SUMF1: variants seen among roughly 807,000 people sequenced by gnomAD.
SUMF1 encodes sulfatase modifying factor 1, also known as formylglycine-generating enzyme.
SUMF1 carries 48 observed loss-of-function variants against 47.6 expected under a neutral mutation model. The observed-to-expected ratio is 1.01, with a 90% CI of 0.80 to 1.28. SUMF1 has a LOEUF of 1.28. SUMF1 is among the 50% of genes most tolerant of loss of function. The probability of loss-of-function intolerance (pLI) is 0.00; values close to 1 mark genes in which losing one functional copy is unlikely to be tolerated. For missense variants in SUMF1, 571 were observed against 485.4 expected (o/e 1.18, Z -1.66); for synonymous variants, 230 against 192.1 (o/e 1.20, Z -1.63).
At chr3:4,452,797 T>A in intron 2 of SUMF1, 79 bp downstream of exon 2, 1 of 1,542,220 alleles carries the variant, frequency 6.5e-7, no homozygotes. Context: ...AAATGGTCAG[T>A]CAATCTTAGC....
rs538706781 is a variant in SUMF1, at chr3:4,308,814, C to T, written c.1014+67516G>A. Among the ~76,000 whole-genome samples, 9 of 152,294 alleles carry T rather than the reference C, an allele frequency of 5.9e-5. No individual in the cohort carries two copies. In the East Asian group the frequency reaches 9.6e-4, roughly 16 times the overall value. On this transcript the variant is annotated intron_variant and NMD_transcript_variant, in intron 8 of 12. Coordinates refer to the SUMF1 transcript ENST00000448413. ...GACATCTTTGTTCATTGACCATTTA[C>T]GCCTTTGACTTGTCTATGAAAAGAG...
intron 9 of SUMF1, among the ~76,000 whole-genome samples, chr3:4,048,504 A>C (rs1258278050): frequency 6.6e-6 from 1 of 152,176 alleles, no homozygotes; most frequent in East Asian, 1.9e-4. Flanking sequence ...CAAACTAACT[A>C]TGAGCTCTTC....
intron 8 of SUMF1, among the ~76,000 whole-genome samples, chr3:4,246,381 C>T (rs188199708): frequency 1.2e-4 from 18 of 152,016 alleles, no homozygotes; most frequent in Admixed American, 3.9e-4. Context: ...TGTTCCTATT[C>T]GGCCATCTTG....
chr3:4,061,599 C>G (rs925793713), intron 9 of SUMF1, among the ~76,000 whole-genome samples: 1 of 152,122 alleles, frequency 6.6e-6, no homozygotes, highest in Non-Finnish European at 1.5e-5. Context: ...CTCATTGTCT[C>G]AGTGATTGGC....
At chr3:4,245,694 G>A (rs1038598294) in intron 8 of SUMF1, among the ~76,000 whole-genome samples, 2 of 152,274 alleles carry the variant, frequency 1.3e-5, no homozygotes, top group East Asian at 3.9e-4. Context: ...CTACGCAAGG[G>A]TCAGGGACCC....
chr3:4,217,864 G>C (rs1695970497), intron 8 of SUMF1, among the ~76,000 whole-genome samples: 1 of 114,132 alleles, frequency 8.8e-6, no homozygotes, highest in African/African-American at 3.5e-5. Context: ...ATTTGCAGGA[G>C]AAACAGGACT....
chr3:4,146,138 C>T (rs1251815271), intron 8 of SUMF1, among the ~76,000 whole-genome samples: 1 of 152,092 alleles, frequency 6.6e-6, no homozygotes, highest in Admixed American at 6.6e-5. Context: ...AATATCATTA[C>T]TGCTGAGAGA....
At chr3:4,207,729 T>C (rs1695684023) in intron 8 of SUMF1, among the ~76,000 whole-genome samples, 1 of 152,166 alleles carries the variant, frequency 6.6e-6, no homozygotes, top group East Asian at 1.9e-4. Context: ...CTTAAATTCA[T>C]CAAAGAAGTG....
At chr3:4,178,208 T>C (rs891080106) in intron 8 of SUMF1, among the ~76,000 whole-genome samples, 3 of 152,184 alleles carry the variant, frequency 2.0e-5, no homozygotes, top group African/African-American at 4.8e-5. Context: ...AGCATCATCC[T>C]GATACCAAAG....
intron 8 of SUMF1, among the ~76,000 whole-genome samples, chr3:4,172,175 C>T (rs11919964): frequency 2.9e-4 from 44 of 152,122 alleles, no homozygotes; most frequent in African/African-American, 1.0e-3. Flanking sequence ...TTAGAAAATT[C>T]AATTAGCAAT....
intron 1 of SUMF1, among the ~76,000 whole-genome samples, chr3:4,456,507 A>T (rs1331835162): frequency 1.4e-5 from 2 of 143,726 alleles, no homozygotes; most frequent in South Asian, 2.2e-4. Context: ...GCTGGAGTGC[A>T]GTAGCACGAT....
intron 8 of SUMF1, among the ~76,000 whole-genome samples, chr3:4,253,412 G>A (rs1430560872): frequency 6.6e-6 from 1 of 152,214 alleles, no homozygotes; most frequent in East Asian, 1.9e-4. Context: ...CGTGCACCGT[G>A]CACGAGCGGA....
intron 9 of SUMF1, among the ~76,000 whole-genome samples, chr3:4,039,209 A>ATTTTTTTTTTTT (rs775459424): frequency 2.3e-4 from 9 of 39,490 alleles, no homozygotes; most frequent in Non-Finnish European, 2.9e-4. Flanking sequence ...ATCTATGCAA[A>ATTTTTTTTTTTT]TTTTTTTTTT....
At chr3:4,144,280 T>C (rs1694144705) in intron 8 of SUMF1, among the ~76,000 whole-genome samples, 1 of 152,046 alleles carries the variant, frequency 6.6e-6, no homozygotes, top group South Asian at 2.1e-4. Context: ...TTTCTTCTTA[T>C]AGTGGTAGTT....
chr3:4,431,852 G>A (rs184810050), intron 3 of SUMF1, among the ~76,000 whole-genome samples: 28 of 152,206 alleles, frequency 1.8e-4, no homozygotes, highest in Admixed American at 1.0e-3. Flanking sequence ...ATCCCATTTC[G>A]CTGTCAAAAG....
chr3:4,129,092 G>C (rs561255608), intron 8 of SUMF1, among the ~76,000 whole-genome samples: 4 of 152,188 alleles, frequency 2.6e-5, no homozygotes, highest in African/African-American at 4.8e-5. Flanking sequence ...ATAAACCCTC[G>C]ACCAATGCCT....
chr3:4,317,006 G>C (rs1198950801), intron 8 of SUMF1: 16 of 1,549,168 alleles, frequency 1.0e-5, no homozygotes, highest in Non-Finnish European at 1.2e-5. Flanking sequence ...TGAATGAATT[G>C]GGCTATGAAG....
At chr3:4,352,800 G>A (rs1012211720) in intron 8 of SUMF1, among the ~76,000 whole-genome samples, 1 of 151,628 alleles carries the variant, frequency 6.6e-6, no homozygotes, top group African/African-American at 2.4e-5. Flanking sequence ...AAGGGGCCAG[G>A]GAAGCAAATT....
intron 1 of SUMF1, among the ~76,000 whole-genome samples, chr3:4,456,859 T>C (rs1294144567): frequency 5.5e-5 from 8 of 145,172 alleles, no homozygotes; most frequent in East Asian, 2.1e-4. Context: ...TGTGTATATA[T>C]ATGTGTGTGT....
Sources: allele counts gnomAD v4.1 joint callset (sites outside exome capture counted in the v4.1 genomes callset), GRCh38; gene constraint gnomAD v4.1.1; transcripts MANE v1.5; gene names NCBI Gene and HGNC (gene_info 2026-07-23, HGNC 2026-07-21).